CLIP3: variants seen among roughly 807,000 people sequenced by gnomAD.
CLIP3 encodes the protein CAP-Gly domain-containing linker protein 3.
Under a neutral mutation model 59.4 loss-of-function variants are expected in CLIP3, and 15 were observed. That is an observed-to-expected ratio of 0.25 (90% CI 0.17 to 0.39). The LOEUF (loss-of-function observed/expected upper bound fraction) is 0.39, where lower values mean the gene tolerates loss of function less well. CLIP3 is among the 10% of genes least tolerant of loss of function. CLIP3 has a pLI of 1.00. For missense variants in CLIP3, 495 were observed against 765.7 expected (o/e 0.65, Z 4.17); for synonymous variants, 300 against 321.6 (o/e 0.93, Z 0.72).
Position 36,024,538 on chromosome 19 carries a change from C to T in CLIP3, c.776G>A (p.Arg259Gln), listed in dbSNP as rs781085307. The change falls in exon 7 of 14, where the codon CGG becomes CAG. Residue 259 changes from arginine to glutamine, a missense_variant. Physicochemically the swap from Arg to Gln is conservative, Grantham distance 43. Coordinates refer to ENST00000360535, the MANE Select transcript of CLIP3 (RefSeq NM_015526.3). Reference sequence around the variant, plus strand: ...TGGCACTGCCTCTTCCAGAAGCGTCCGCAGCTCCTTGGCCACCAGTGCCGC... The same window carrying T: ...TGGCACTGCCTCTTCCAGAAGCGTCTGCAGCTCCTTGGCCACCAGTGCCGC... ...AEAALVAKEL[R>Q]TLLEEAVPLS... 2.2e-5 allele frequency: 35 copies of T among 1,614,116 alleles called. No homozygotes were observed. Among genetic ancestry groups the T allele is most frequent in the Admixed American group, 1.2e-4 (7 of 60,012 alleles).
Position 36,026,703 on chromosome 19 carries a change from G to A in CLIP3, c.445C>T (p.Leu149=), listed in dbSNP as rs139646421. The A allele has an allele frequency of 2.2e-4, 354 of 1,606,310 alleles. 1 individual carries two copies. In the African/African-American group the frequency reaches 4.1e-3, roughly 19 times the overall value. The part of the protein sequence containing the change: ...AVRLSQQLLA[L]GADVTLRSRW... ...CTGCGCAGCGTCACATCTGCGCCCAGCGCCAGCAGCTGCTGCGAGAGGCGC... is the reference window on the plus strand; with the variant it reads ...CTGCGCAGCGTCACATCTGCGCCCAACGCCAGCAGCTGCTGCGAGAGGCGC... Residue 149 remains leucine (L), a synonymous_variant, in exon 5 of 14, where the codon CTG becomes TTG. Transcript: ENST00000360535. This position sits in a 1 kb window ranked among gnomAD's most constrained non-coding sequence, Gnocchi z 6.3.
chr19:36,019,370 C>A (rs748417783), intron 7 of CLIP3, 64 bp from the exon 8 acceptor site: 2 of 1,551,792 alleles, frequency 1.3e-6, no homozygotes, highest in South Asian at 2.3e-5. Context: ...GGAGTGCCCA[C>A]ACACGGGCAG....
intron 2 of CLIP3, among the ~76,000 whole-genome samples, chr19:36,031,592 G>A (rs1460250709): frequency 6.6e-6 from 1 of 152,074 alleles, no homozygotes; most frequent in Admixed American, 6.6e-5. Context: ...TTACCCAGCG[G>A]TTACCTCTCC....
chr19:36,018,071 G>C, intron 9 of CLIP3, 80 bp from the exon 10 acceptor site: 6 of 1,515,070 alleles, frequency 4.0e-6, no homozygotes, highest in African/African-American at 1.4e-5. Context: ...AAAACCCCAA[G>C]GTAGAAAACC....
At chr19:36,018,863 C>T (rs1029090842) in intron 9 of CLIP3, 35 bp downstream of exon 9, 54 of 1,599,676 alleles carry the variant, frequency 3.4e-5, no homozygotes, top group Non-Finnish European at 4.4e-5. Context: ...CATCCCCAAA[C>T]TGGCTCTTCC....
In CLIP3 at chr19:36,029,712, T is replaced by A. The variant is rs565400642; in HGVS notation, c.167-2441A>T. On this transcript the variant is annotated intron_variant, in intron 2 of 13. Transcript: ENST00000360535. ...CTAAATGCTATGATTCTATTCTGCC[T>A]CATTCACTCCTTTATCCCCAAGGCC... 2.0e-5 allele frequency among the ~76,000 whole-genome samples: 3 copies of A among 152,258 alleles called. No individual in the cohort carries two copies. The South Asian group carries it at 6.2e-4, about 32-fold the overall frequency.
In CLIP3 at chr19:36,016,143, A is replaced by G; in HGVS notation, c.*15T>C. The stretch of plus-strand genomic sequence containing the variant: ...CTAGTGGGGACTCTGTCTCTTTGTC[A>G]GGTGTCCAGGGCCTCTAAGACTGCA... On this transcript the variant is annotated 3_prime_UTR_variant, in exon 14 of 14. Coordinates refer to ENST00000360535, the MANE Select transcript of CLIP3 (RefSeq NM_015526.3). This position sits in a 1 kb window ranked among gnomAD's most constrained non-coding sequence, Gnocchi z 4.1. 6.2e-7 allele frequency: 1 copy of G among 1,613,672 alleles called. No homozygotes were observed. The highest frequency in any genetic ancestry group is 8.5e-7 in the Non-Finnish European group (1 of 1,179,766).
rs1969278518 is a variant in CLIP3 at position 36,032,030 on chromosome 19, G to A, written c.166+162C>T. ...GTATTACAATTCCATTCTCCAATGG[G>A]TGAATGAATGAATTAACGAGGGGTG... is the stretch of plus-strand genomic sequence containing the variant. On this transcript the variant is annotated intron_variant, in intron 2 of 13. Coordinates refer to ENST00000360535, the MANE Select transcript of CLIP3 (RefSeq NM_015526.3). The surrounding 1 kb of genome is among the most constrained non-coding windows in gnomAD (Gnocchi z 4.3). 2 of 413,172 alleles carry A rather than the reference G, an allele frequency of 4.8e-6. No individual in the cohort carries two copies. The highest frequency in any genetic ancestry group is 4.4e-5 in the Admixed American group (1 of 22,694). 25.6% of individuals were successfully genotyped at this position (413,172 alleles called of 1,614,324 possible). A position where few individuals can be genotyped will look rare whatever the true frequency, so the allele number is the denominator to read the frequency against.
At chr19:36,028,542 G>A (rs1969174431) in intron 2 of CLIP3, among the ~76,000 whole-genome samples, 2 of 152,076 alleles carry the variant, frequency 1.3e-5, no homozygotes, top group South Asian at 2.1e-4. Flanking sequence ...GTGAATGAAC[G>A]ACTACATGAA....
Position 36,024,649 on chromosome 19 carries a change from A to G in CLIP3, c.682-17T>C. 6.2e-7 allele frequency: 1 copy of G among 1,612,582 alleles called. No individual in the cohort carries two copies. Among genetic ancestry groups the G allele is most frequent in the Non-Finnish European group, 8.5e-7 (1 of 1,178,890 alleles). ...TTTTCGATTCTGGGGGCCAATGGGAAAAGAAGGCAGGGACTCAGTGGCACA... is the reference window on the plus strand; with the variant it reads ...TTTTCGATTCTGGGGGCCAATGGGAGAAGAAGGCAGGGACTCAGTGGCACA... On this transcript the variant is annotated splice_polypyrimidine_tract_variant and intron_variant, in intron 6 of 13. Transcript: ENST00000360535.
At chr19:36,017,625 C>T (rs759403610) in intron 11 of CLIP3, 30 bp downstream of exon 11, 22 of 1,612,962 alleles carry the variant, frequency 1.4e-5, no homozygotes, top group Non-Finnish European at 3.4e-6. Flanking sequence ...CAGGTGGTGC[C>T]CTGGGTTTGG....
chr19:36,030,078 CAG>C (rs1245483202), intron 2 of CLIP3, among the ~76,000 whole-genome samples: 1 of 152,056 alleles, frequency 6.6e-6, no homozygotes, highest in Non-Finnish European at 1.5e-5. Context: ...TTTTTTGAGA[CAG>C]GGTCTCACTG....
chr19:36,028,899 A>C (rs1163921752), intron 2 of CLIP3, among the ~76,000 whole-genome samples: 1 of 151,692 alleles, frequency 6.6e-6, no homozygotes, highest in East Asian at 1.9e-4. Context: ...ACATCTTCAC[A>C]AAGCTTTATA....
At chr19:36,025,237 A>G (rs529814301) in intron 6 of CLIP3, among the ~76,000 whole-genome samples, 1 of 152,126 alleles carries the variant, frequency 6.6e-6, no homozygotes, top group East Asian at 1.9e-4. Context: ...GCCCTCAGGG[A>G]GGCAATCTCT....
Position 36,024,617 on chromosome 19 carries a change from C to T in CLIP3, c.697G>A (p.Val233Met), listed in dbSNP as rs1214980770. 6.2e-7 allele frequency: 1 copy of T among 1,614,136 alleles called. No individual in the cohort carries two copies. Among genetic ancestry groups the T allele is most frequent in the Non-Finnish European group, 8.5e-7 (1 of 1,180,008 alleles). The change falls in exon 7 of 14, where the codon GTG (valine) becomes ATG (methionine). Residue 233 changes from valine (V) to methionine (M), a missense_variant. Transcript: ENST00000360535. ...NPALRNRKGQVPAEVVPDPMD... is the reference protein window; with the variant it reads ...NPALRNRKGQMPAEVVPDPMD... ...GGATCTGGGACCACCTCCGCCGGCA[C>T]CTGTCCTTTTCGATTCTGGGGGCCA...
chr19:36,025,073 A>G (rs1379877902), intron 6 of CLIP3, among the ~76,000 whole-genome samples: 1 of 151,802 alleles, frequency 6.6e-6, no homozygotes, highest in Admixed American at 6.6e-5. Flanking sequence ...CTCAAAAAAA[A>G]AAAAAAAGAA....
chr19:36,031,507 C>T (rs891523106), intron 2 of CLIP3, among the ~76,000 whole-genome samples: 1 of 152,180 alleles, frequency 6.6e-6, no homozygotes, highest in Non-Finnish European at 1.5e-5. Context: ...AAATATCGCT[C>T]GGTCAATGAT....
At chr19:36,031,008 C>CTTTTTTTTTTTTTTTCTTTTTTTTTTTTT (rs374690845) in intron 2 of CLIP3, among the ~76,000 whole-genome samples, 2 of 77,836 alleles carry the variant, frequency 2.6e-5, no homozygotes, top group African/African-American at 1.1e-4. Context: ...TTTTTCTTTT[C>CTTTTTTTTTTTTTTTCTTTTTTTTTTTTT]TTTTTTTTTT....
intron 7 of CLIP3, among the ~76,000 whole-genome samples, chr19:36,024,046 G>C (rs1969023811): frequency 6.6e-6 from 1 of 152,182 alleles, no homozygotes; most frequent in Non-Finnish European, 1.5e-5. Context: ...ACTTGTCTCT[G>C]AGAGCAGAGG....
Sources: allele counts gnomAD v4.1 joint callset (sites outside exome capture counted in the v4.1 genomes callset), GRCh38; gene constraint gnomAD v4.1.1; non-coding constraint Gnocchi (gnomAD v3.1); transcripts MANE v1.5; gene names NCBI Gene and HGNC (gene_info 2026-07-23, HGNC 2026-07-21).